Variants in RRM2 observed in about 807,000 individuals in gnomAD.
RRM2 encodes the protein ribonucleotide reductase regulatory subunit M2.
A neutral mutation model predicts 45.9 loss-of-function variants in RRM2; 6 were observed. The ratio of observed to expected loss-of-function variants is 0.13; its 90% CI spans 0.07 to 0.26. RRM2 has a LOEUF of 0.26. Among genes scored for constraint, RRM2 ranks in the 10% least tolerant of loss-of-function variants. RRM2 has a pLI of 1.00. For synonymous variants in RRM2, 177 were observed against 173.0 expected (o/e 1.02, Z -0.18); for missense variants, 343 against 489.5 (o/e 0.70, Z 2.82).
rs535628678 is a variant in RRM2 at position 10,126,794 on chromosome 2, C to T, written c.570-81C>T. The T allele has an allele frequency of 5.7e-6, 6 of 1,046,262 alleles. No homozygotes were observed. In the South Asian group the frequency reaches 5.9e-5, roughly 10 times the overall value. The allele number at this position is 1,046,262 out of a possible 1,614,324, so 64.8% of individuals were successfully genotyped here. ...CAAATACTTGAATTTGGCCTTTGTC[C>T]CAGAGCTCTTATCTAGCAGTTGGTA... On this transcript the variant is annotated intron_variant, in intron 5 of 9. Coordinates refer to ENST00000304567, the MANE Select transcript of RRM2 (RefSeq NM_001034.4).
intron 3 of RRM2, chr2:10,155,150 C>T (rs4669535): frequency 0.084 from 28,083 of 332,826 alleles, 1,450 homozygotes; most frequent in African/African-American, 0.13. Flanking sequence ...ACATCACTCT[C>T]GGATCCTGTT....
chr2:10,142,299 A>G (rs753392007), exon 3 of RRM2: 3 of 1,408,756 alleles, frequency 2.1e-6, no homozygotes, highest in Non-Finnish European at 2.9e-6. Context: ...ACGTCTTGAA[A>G]GGGAATCCCC....
chr2:10,209,914 C>G (rs1045686761), intron 3 of RRM2, among the ~76,000 whole-genome samples: 4 of 152,220 alleles, frequency 2.6e-5, no homozygotes, highest in African/African-American at 9.6e-5. Context: ...AGGGGCACAG[C>G]TGAAATCTGT....
At chr2:10,128,974 G>T in intron 8 of RRM2, 22 bp downstream of exon 8, 1 of 1,607,520 alleles carries the variant, frequency 6.2e-7, no homozygotes, top group Non-Finnish European at 8.5e-7. Flanking sequence ...GATGAAATGG[G>T]TCACTCAAGC....
Position 10,130,037 on chromosome 2 carries a change from T to G in RRM2, c.*651T>G, listed in dbSNP as rs1662864151. 6.6e-6 allele frequency: 1 copy of G among 152,320 alleles called. No homozygotes were observed. The highest frequency in any genetic ancestry group is 1.5e-5 in the Non-Finnish European group (1 of 68,090). The allele number at this position is 152,320 out of a possible 1,614,324, so 9.4% of individuals were successfully genotyped here. A position where few individuals can be genotyped will look rare whatever the true frequency, so the allele number is the denominator to read the frequency against. ...GCCAGATAGAAGACAGGTTGTGTTT[T>G]TATCCTGTGGCTTGTGTAGTGTCCT... On this transcript the variant is annotated 3_prime_UTR_variant, in exon 10 of 10. Coordinates refer to ENST00000304567, the MANE Select transcript of RRM2 (RefSeq NM_001034.4).
At chr2:10,166,757 A>G (rs1663691243) in intron 3 of RRM2, among the ~76,000 whole-genome samples, 1 of 152,122 alleles carries the variant, frequency 6.6e-6, no homozygotes, top group Admixed American at 6.5e-5. Context: ...TTGTCATCAC[A>G]TTCTATTTGC....
At chr2:10,126,582 T>C in intron 5 of RRM2, 1 of 329,042 alleles carries the variant, frequency 3.0e-6, no homozygotes, top group Non-Finnish European at 5.5e-6. Context: ...AGGCAACAAA[T>C]GTCCCTGCTG....
intron 3 of RRM2, among the ~76,000 whole-genome samples, chr2:10,177,403 T>C (rs888259563): frequency 2.0e-5 from 3 of 152,234 alleles, no homozygotes; most frequent in African/African-American, 7.2e-5. Flanking sequence ...GATTCCCATG[T>C]AGTTGTATGG....
chr2:10,136,146 G>A (rs571674506), downstream of RRM2, among the ~76,000 whole-genome samples: 7 of 152,348 alleles, frequency 4.6e-5, no homozygotes, highest in East Asian at 9.6e-4. Context: ...GCTGGGGCAA[G>A]CCTGGATGGG....
intron 3 of RRM2, among the ~76,000 whole-genome samples, chr2:10,189,111 C>T (rs1029664688): frequency 3.3e-5 from 5 of 151,342 alleles, no homozygotes; most frequent in African/African-American, 1.2e-4. Flanking sequence ...TAAGCGAGGG[C>T]CCATGGCCTC....
chr2:10,162,512 C>T (rs761546411), intron 3 of RRM2, among the ~76,000 whole-genome samples: 2 of 151,996 alleles, frequency 1.3e-5, no homozygotes, highest in Non-Finnish European at 2.9e-5. Context: ...GAAAAAGTGC[C>T]GGCCACACTC....
intron 3 of RRM2, among the ~76,000 whole-genome samples, chr2:10,190,435 G>GTGATGA (rs55714483): frequency 8.1e-6 from 1 of 123,698 alleles, no homozygotes; most frequent in Non-Finnish European, 1.6e-5. Flanking sequence ...GGTGATGAGT[G>GTGATGA]TGATGATGAT....
At chr2:10,202,221 C>T (rs1055421511) in intron 3 of RRM2, among the ~76,000 whole-genome samples, 3 of 152,186 alleles carry the variant, frequency 2.0e-5, no homozygotes, top group Non-Finnish European at 4.4e-5. Context: ...AAAAAAAAAT[C>T]CTTTAACCTT....
chr2:10,164,260 G>A (rs1322796903), intron 3 of RRM2, among the ~76,000 whole-genome samples: 1 of 152,178 alleles, frequency 6.6e-6, no homozygotes, highest in African/African-American at 2.4e-5. Flanking sequence ...GCCTGAGTCT[G>A]CATCTGGGCT....
rs1044794617 is a variant in RRM2 at position 10,127,647 on chromosome 2, G to A, written c.798+427G>A. ...CTGCCACCATGCCCAGCTAATTTTC[G>A]TCTTTTTATACAGACGGGGTTTCAC... On this transcript the variant is annotated intron_variant, in intron 7 of 9. Transcript: ENST00000304567. The surrounding 1 kb of genome is among the most constrained non-coding windows in gnomAD (Gnocchi z 4.1). Among the ~76,000 whole-genome samples the A allele has an allele frequency of 1.3e-5, 2 of 151,574 alleles. No individual in the cohort carries two copies. Among genetic ancestry groups the A allele is most frequent in the South Asian group, 2.1e-4 (1 of 4,782 alleles).
chr2:10,139,354 G>C (rs1478085870), upstream of RRM2, among the ~76,000 whole-genome samples: 1 of 152,246 alleles, frequency 6.6e-6, no homozygotes, highest in Non-Finnish European at 1.5e-5. Flanking sequence ...CATTTAGAAT[G>C]CCAGGGGCAG....
chr2:10,206,325 T>C (rs890144027), intron 3 of RRM2, among the ~76,000 whole-genome samples: 1 of 151,050 alleles, frequency 6.6e-6, no homozygotes, highest in Non-Finnish European at 1.5e-5. Context: ...GCACAAGAAA[T>C]GAAAAGGTAT....
At chr2:10,170,133 C>T (rs1225304086) in intron 3 of RRM2, among the ~76,000 whole-genome samples, 3 of 152,192 alleles carry the variant, frequency 2.0e-5, no homozygotes, top group African/African-American at 7.2e-5. Context: ...ACGCTCCGGA[C>T]ATCCAGAGTG....
rs545547555 is a variant in RRM2 at position 10,207,739 on chromosome 2, C to T, written n.483-2572C>T. Among the ~76,000 whole-genome samples, 5 of 152,246 alleles carry T rather than the reference C, an allele frequency of 3.3e-5. No homozygotes were observed. The East Asian group carries it at 9.7e-4, about 29-fold the overall frequency. On this transcript the variant is annotated intron_variant and non_coding_transcript_variant, in intron 3 of 3. Coordinates refer to the RRM2 transcript ENST00000381786. ...GACCTCCCTGACTATATCAGCTCTCCCCCATTAAATGTTCCCCTCGTGCCA... is the reference window on the plus strand; with the variant it reads ...GACCTCCCTGACTATATCAGCTCTCTCCCATTAAATGTTCCCCTCGTGCCA...
Sources: gnomAD v4.1 joint callset for allele counts (sites outside exome capture counted in the v4.1 genomes callset) on GRCh38, gnomAD v4.1.1 for gene constraint, Gnocchi (gnomAD v3.1) non-coding constraint, MANE v1.5 for transcripts, NCBI Gene and HGNC (gene_info 2026-07-23, HGNC 2026-07-21) for gene names.